GFRAL: variants seen among roughly 807,000 people sequenced by gnomAD.
GFRAL encodes the protein GDNF family receptor alpha-like.
In GFRAL, 36 loss-of-function variants were observed where a neutral mutation model predicts 45.4. That is an observed-to-expected ratio of 0.79 (90% CI 0.61 to 1.05). The LOEUF is 1.05. GFRAL is among the 50% of genes least tolerant of loss of function. The pLI, the probability that GFRAL is intolerant of heterozygous loss-of-function variation, is 0.00. For missense variants in GFRAL, 507 were observed against 467.5 expected, an observed-to-expected ratio of 1.08 and a Z score of -0.78; for synonymous variants, 166 against 154.1, an observed-to-expected ratio of 1.08 and a Z score of -0.57.
chr6:55,354,921 T>C (rs557612277), intron 5 of GFRAL, among the ~76,000 whole-genome samples: 126 of 152,064 alleles, frequency 8.3e-4, no homozygotes, highest in African/African-American at 2.5e-3. Context: ...ATTACCTTTC[T>C]CTAGTACCGA....
chr6:55,365,661 T>C (rs1251415483), intron 6 of GFRAL, among the ~76,000 whole-genome samples: 73 of 132,504 alleles, frequency 5.5e-4, no homozygotes, highest in African/African-American at 1.4e-3. Context: ...GGTTGTTGAA[T>C]TTTGTCAAAG....
chr6:55,373,615 C>A (rs1478192121), intron 6 of GFRAL, among the ~76,000 whole-genome samples: 1 of 152,132 alleles, frequency 6.6e-6, no homozygotes, highest in Non-Finnish European at 1.5e-5. Context: ...ATAATTTAAG[C>A]TAATCTAAAC....
At chr6:55,328,541 T>C (rs1767793808) in intron 1 of GFRAL, among the ~76,000 whole-genome samples, 2 of 151,966 alleles carry the variant, frequency 1.3e-5, no homozygotes. Context: ...TATTTTTCCA[T>C]TGTTCCATAA....
Position 55,351,139 on chromosome 6 carries a change from G to A in GFRAL, c.371-114G>A, listed in dbSNP as rs895959460. On this transcript the variant is annotated intron_variant, in intron 4 of 8. Coordinates refer to ENST00000340465, the MANE Select transcript of GFRAL (RefSeq NM_207410.2). Reference sequence around the variant, plus strand: ...AAAGATGTAATGTTTGCCAAAAATAGGACATTGGTACATCATTGTATTTTG... The same window carrying A: ...AAAGATGTAATGTTTGCCAAAAATAAGACATTGGTACATCATTGTATTTTG... 5.4e-6 allele frequency: 4 copies of A among 736,006 alleles called. No individual in the cohort carries two copies. In the African/African-American group the frequency reaches 7.0e-5, roughly 13 times the overall value. 45.6% of individuals were successfully genotyped at this position (736,006 alleles called of 1,614,324 possible). A position where few individuals can be genotyped will look rare whatever the true frequency, so the allele number is the denominator to read the frequency against.
At chr6:55,366,634 T>G (rs1336252778) in intron 6 of GFRAL, among the ~76,000 whole-genome samples, 1 of 121,918 alleles carries the variant, frequency 8.2e-6, no homozygotes, top group East Asian at 2.0e-4. Flanking sequence ...GATTCTGGTA[T>G]GTTGTGTCTT....
chr6:55,331,683 T>C, intron 1 of GFRAL, 32 bp from the exon 2 acceptor site: 3 of 1,585,096 alleles, frequency 1.9e-6, no homozygotes, highest in Non-Finnish European at 2.6e-6. Flanking sequence ...CAAATTTATA[T>C]TACAACCTTG....
intron 5 of GFRAL, among the ~76,000 whole-genome samples, chr6:55,353,682 T>C (rs928723344): frequency 2.0e-5 from 3 of 152,246 alleles, no homozygotes; most frequent in South Asian, 4.1e-4. Flanking sequence ...GATTCTAAGA[T>C]GCAATTTCTT....
intron 3 of GFRAL, among the ~76,000 whole-genome samples, chr6:55,335,992 T>G (rs1767886267): frequency 6.6e-6 from 1 of 152,178 alleles, no homozygotes; most frequent in Non-Finnish European, 1.5e-5. Flanking sequence ...CCACCCAGGC[T>G]GGAGCATAGT....
intron 6 of GFRAL, among the ~76,000 whole-genome samples, chr6:55,373,362 C>G (rs140751832): frequency 6.6e-6 from 1 of 152,180 alleles, no homozygotes; most frequent in African/African-American, 2.4e-5. Context: ...ATAGCCAAAT[C>G]CTGTTCATAG....
Position 55,359,090 on chromosome 6 carries a change from T to G in GFRAL, c.904T>G (p.Ser302Ala). The change falls in exon 6 of 9, where the codon TCT (serine) becomes GCT (alanine). Residue 302 changes from serine (S) to alanine (A), a missense_variant. Coordinates refer to ENST00000340465, the MANE Select transcript of GFRAL (RefSeq NM_207410.2). The stretch of plus-strand genomic sequence containing the variant: ...TAGGACCATTACACAAAGTGAGGAA[T>G]CTTTGTGTAAGATTTTCCAGCACAT... ...TCRTITQSEESLCKIFQHMLH... is the reference protein window; with the variant it reads ...TCRTITQSEEALCKIFQHMLH... 6.2e-7 allele frequency: 1 copy of G among 1,612,336 alleles called. No individual in the cohort carries two copies. Among genetic ancestry groups the G allele is most frequent in the South Asian group, 1.1e-5 (1 of 91,008 alleles).
chr6:55,399,844 G>T (rs2127367953), intron 8 of GFRAL, among the ~76,000 whole-genome samples: 1 of 152,182 alleles, frequency 6.6e-6, no homozygotes, highest in South Asian at 2.1e-4. Context: ...ACCTGAAGAT[G>T]TATTCTTCAC....
intron 2 of GFRAL, 53 bp downstream of exon 2, chr6:55,331,902 A>T: frequency 6.6e-7 from 1 of 1,516,360 alleles, no homozygotes; most frequent in Non-Finnish European, 9.0e-7. Flanking sequence ...CTAAGATAAA[A>T]ACAGGATTTG....
At chr6:55,374,390 C>CT (rs1416047245) in intron 6 of GFRAL, among the ~76,000 whole-genome samples, 1 of 152,056 alleles carries the variant, frequency 6.6e-6, no homozygotes, top group Non-Finnish European at 1.5e-5. Flanking sequence ...TGATGTTAAG[C>CT]TTTTTTTCAT....
rs55912828 is a variant in GFRAL, at chr6:55,335,991, C to G, written c.316+2047C>G. ...ACAGGGTCTTATTCTGCCACCCAGGCTGGAGCATAGTGGCCCAATCTTCAC... is the reference window on the plus strand; with the variant it reads ...ACAGGGTCTTATTCTGCCACCCAGGGTGGAGCATAGTGGCCCAATCTTCAC... On this transcript the variant is annotated intron_variant, in intron 3 of 8. Transcript: ENST00000340465. Among the ~76,000 whole-genome samples, 511 of 152,114 alleles carry G rather than the reference C, an allele frequency of 3.4e-3. 1 individual carries two copies. Among genetic ancestry groups the G allele is most frequent in the African/African-American group, 0.012 (486 of 41,498 alleles).
intron 3 of GFRAL, among the ~76,000 whole-genome samples, chr6:55,347,045 T>C (rs1179674284): frequency 6.6e-6 from 1 of 151,862 alleles, no homozygotes; most frequent in Non-Finnish European, 1.5e-5. Flanking sequence ...CAGTAAAATT[T>C]TATAGGGTTG....
chr6:55,345,325 G>A (rs984595373), intron 3 of GFRAL, among the ~76,000 whole-genome samples: 11 of 152,180 alleles, frequency 7.2e-5, no homozygotes, highest in African/African-American at 2.2e-4. Context: ...AAAACAGCAT[G>A]GTACTGGTAC....
At chr6:55,330,631 G>C (rs950642075) in intron 1 of GFRAL, among the ~76,000 whole-genome samples, 1 of 152,156 alleles carries the variant, frequency 6.6e-6, no homozygotes, top group Non-Finnish European at 1.5e-5. Flanking sequence ...GTAGAAGACA[G>C]CATGGATCAT....
chr6:55,338,282 G>A lies in GFRAL; in HGVS notation c.316+4338G>A, dbSNP rs150988967. On this transcript the variant is annotated intron_variant, in intron 3 of 8. Transcript: ENST00000340465. The stretch of plus-strand genomic sequence containing the variant: ...TTTTTGTATTTTTAGTAGAGACATG[G>A]TTTTGCCATGTTGTCCAGGCTGGTC... 4.3e-3 allele frequency among the ~76,000 whole-genome samples: 660 copies of A among 152,100 alleles called. 4 individuals carry two copies. The highest frequency in any genetic ancestry group is 8.5e-3 in the Admixed American group (130 of 15,260).
Position 55,401,851 on chromosome 6 carries a change from T to G in GFRAL, c.1183T>G (p.Ter395GlyextTer76). Residue 395 changes from the stop codon to glycine (G), a stop_lost, in exon 9 of 9, where the codon TGA becomes GGA. Transcript: ENST00000340465. ...PSSIQIPGEL[*>G] ...ATCGATCCAAATACCTGGAGAACTC[T>G]GATTCATTAGGAGTCATGGACCTAT... The G allele has an allele frequency of 6.7e-7, 1 of 1,491,860 alleles. No individual in the cohort carries two copies. The highest frequency in any genetic ancestry group is 9.4e-7 in the Non-Finnish European group (1 of 1,067,910). 92.4% of individuals were successfully genotyped at this position (1,491,860 alleles called of 1,614,324 possible). A position where few individuals can be genotyped will look rare whatever the true frequency, so the allele number is the denominator to read the frequency against.
Sources: gnomAD v4.1 joint callset for allele counts (sites outside exome capture counted in the v4.1 genomes callset) on GRCh38, gnomAD v4.1.1 for gene constraint, MANE v1.5 for transcripts, NCBI Gene and HGNC (gene_info 2026-07-23, HGNC 2026-07-21) for gene names.